Variants in AVEN observed in about 807,000 individuals in gnomAD.
The protein encoded by AVEN is apoptosis and caspase activation inhibitor.
A neutral mutation model predicts 38.1 loss-of-function variants in AVEN; 41 were observed. That is an observed-to-expected ratio of 1.08 (90% confidence interval 0.84 to 1.40). The LOEUF is 1.40. AVEN is among the 40% of genes most tolerant of loss of function. The pLI is 0.00. For missense variants in AVEN, 605 were observed against 438.8 expected, an observed-to-expected ratio of 1.38 and a Z score of -3.38; for synonymous variants, 206 against 171.8, an observed-to-expected ratio of 1.20 and a Z score of -1.56.
chr15:33,885,477 C>A (rs1891664966), intron 2 of AVEN: 1 of 152,180 alleles, frequency 6.6e-6, no homozygotes, highest in South Asian at 2.1e-4. Context: ...AAACAAGCGA[C>A]ACCTAACACT....
chr15:34,074,763 A>G (rs1036306371), exon 1 of AVEN, among the ~76,000 whole-genome samples: 134 of 152,318 alleles, frequency 8.8e-4, no homozygotes, highest in African/African-American at 2.3e-3. Context: ...ACTGGGAGTT[A>G]GGACTCCAAT....
At chr15:33,914,070 T>C (rs1283165623) in intron 2 of AVEN, among the ~76,000 whole-genome samples, 1 of 152,134 alleles carries the variant, frequency 6.6e-6, no homozygotes, top group Non-Finnish European at 1.5e-5. Context: ...GAGGAGCAGA[T>C]GAATAGAATT....
At chr15:33,974,747 T>C (rs1597294942) in intron 2 of AVEN, among the ~76,000 whole-genome samples, 1 of 152,120 alleles carries the variant, frequency 6.6e-6, no homozygotes, top group Admixed American at 6.5e-5. Flanking sequence ...CCGAGGCAGG[T>C]GGATCACCTG....
intron 1 of AVEN, among the ~76,000 whole-genome samples, chr15:34,035,957 G>A (rs906056120): frequency 2.0e-5 from 3 of 151,942 alleles, no homozygotes; most frequent in Non-Finnish European, 2.9e-5. Context: ...CGCCATGCTC[G>A]GCAGTTTTGT....
intron 5 of AVEN, among the ~76,000 whole-genome samples, chr15:34,055,544 G>A (rs149630046): frequency 0.018 from 2,663 of 151,738 alleles, 76 homozygotes; most frequent in African/African-American, 0.062. Context: ...GCTCATGCCT[G>A]TAATCCCAGC....
intron 2 of AVEN, among the ~76,000 whole-genome samples, chr15:33,973,236 GTTCT>G (rs1895716204): frequency 6.6e-6 from 1 of 152,106 alleles, no homozygotes; most frequent in Non-Finnish European, 1.5e-5. Flanking sequence ...TGAATAATGT[GTTCT>G]TTAAGAAGCA....
intron 2 of AVEN, among the ~76,000 whole-genome samples, chr15:33,889,300 C>T (rs191963710): frequency 6.6e-6 from 1 of 152,226 alleles, no homozygotes; most frequent in East Asian, 1.9e-4. Context: ...GTCTTTTAAT[C>T]TCTGTCAGTA....
chr15:33,944,124 C>T (rs1894421078), intron 2 of AVEN, among the ~76,000 whole-genome samples: 1 of 152,204 alleles, frequency 6.6e-6, no homozygotes, highest in South Asian at 2.1e-4. Context: ...CAACATCCAA[C>T]AGGAACCTAC....
intron 2 of AVEN, among the ~76,000 whole-genome samples, chr15:33,976,415 T>G (rs636842): frequency 0.28 from 41,947 of 152,168 alleles, 7,359 homozygotes; most frequent in Non-Finnish European, 0.39. Flanking sequence ...GATTCAATTT[T>G]AAGTAGAGTT....
At position 33,859,424 on chromosome 15, in the gene AVEN, G is replaced by A; in HGVS notation, n.2730-330C>T. ...TGTCCAGAGGGTGCAGTGGACAGCA[G>A]CTAGCAGCATGAATACTGGCACCTC... On this transcript the variant is annotated intron_variant and non_coding_transcript_variant, in intron 11 of 11. Transcript: ENST00000675287. 2.8e-6 allele frequency: 2 copies of A among 723,782 alleles called. 1 individual carries two copies. The highest frequency in any genetic ancestry group is 3.7e-5 in the South Asian group (2 of 54,508). 44.8% of individuals were successfully genotyped at this position (723,782 alleles called of 1,614,324 possible).
At chr15:33,947,118 A>G (rs1192382901) in intron 2 of AVEN, among the ~76,000 whole-genome samples, 2 of 152,138 alleles carry the variant, frequency 1.3e-5, no homozygotes, top group Admixed American at 6.5e-5. Context: ...GCTCCACTGG[A>G]AACAGGAAGA....
upstream of AVEN, among the ~76,000 whole-genome samples, chr15:34,043,419 G>C (rs189925072): frequency 2.0e-5 from 3 of 152,232 alleles, no homozygotes; most frequent in East Asian, 5.8e-4. Flanking sequence ...CTATAGTTTA[G>C]CTAGTTTCTC....
chr15:34,040,489 T>C (rs1899423906), upstream of AVEN, among the ~76,000 whole-genome samples: 1 of 152,222 alleles, frequency 6.6e-6, no homozygotes, highest in Non-Finnish European at 1.5e-5. Flanking sequence ...GTAACACTTG[T>C]AGAGCACTTA....
At chr15:33,852,938 A>T in the AVEN span, 1 of 963,348 alleles carries the variant, frequency 1.0e-6, no homozygotes, top group African/African-American at 1.6e-5. Context: ...TGAGCAGGAC[A>T]CAAACCAGAA....
chr15:34,039,055 C>T lies in AVEN; in HGVS notation c.-9G>A. The T allele has an allele frequency of 9.1e-7, 1 of 1,101,334 alleles. No individual in the cohort carries two copies. The allele number at this position is 1,101,334 out of a possible 1,614,324, so 68.2% of individuals were successfully genotyped here. ...CCTCGCTCCGCCTGCATCTGGCCGC[C>T]GCTGGCGGTGCTGAGCGCGCGGGAG... On this transcript the variant is annotated 5_prime_UTR_variant, in exon 1 of 6. Coordinates refer to ENST00000306730, the MANE Select transcript of AVEN (RefSeq NM_020371.3).
chr15:33,938,403 C>T (rs1255348208), intron 2 of AVEN, among the ~76,000 whole-genome samples: 3 of 151,356 alleles, frequency 2.0e-5, no homozygotes, highest in Admixed American at 6.6e-5. Context: ...TGCAGTGAGC[C>T]GAGATCGCGC....
intron 2 of AVEN, among the ~76,000 whole-genome samples, chr15:33,956,178 G>A (rs780863385): frequency 1.8e-4 from 28 of 152,174 alleles, no homozygotes; most frequent in Non-Finnish European, 3.4e-4. Context: ...ACACTAGAGC[G>A]CCAGCTGTCG....
rs868862511 is a variant in AVEN at position 34,014,368 on chromosome 15, A to T, written c.268-11159T>A. On this transcript the variant is annotated intron_variant, in intron 1 of 5. Transcript: ENST00000306730. ...AACAAGAGCGAAACTCCATCTCATTAAAAAAAAAAAAAAAAACAAAAACAA... is the reference window on the plus strand; with the variant it reads ...AACAAGAGCGAAACTCCATCTCATTTAAAAAAAAAAAAAAAACAAAAACAA... Among the ~76,000 whole-genome samples, 116 of 16,280 alleles carry T rather than the reference A, an allele frequency of 7.1e-3. 5 individuals carry two copies. The highest frequency in any genetic ancestry group is 0.014 in the African/African-American group (101 of 7,384). 10.7% of individuals were successfully genotyped at this position (16,280 alleles called of 152,430 possible).
chr15:33,958,400 C>T (rs1296249102), intron 2 of AVEN, among the ~76,000 whole-genome samples: 1 of 151,820 alleles, frequency 6.6e-6, no homozygotes, highest in African/African-American at 2.4e-5. Context: ...GCCAACATGG[C>T]GAAACCCCAT....
Sources: gnomAD v4.1 joint callset for allele counts (sites outside exome capture counted in the v4.1 genomes callset) on GRCh38, gnomAD v4.1.1 for gene constraint, MANE v1.5 for transcripts, NCBI Gene and HGNC (gene_info 2026-07-23, HGNC 2026-07-21) for gene names.